Variants in PARVB observed in about 807,000 individuals in gnomAD.
PARVB encodes the protein beta-parvin.
Under a neutral mutation model 47.0 loss-of-function variants are expected in PARVB, and 46 were observed. The observed-to-expected ratio is 0.98, with a 90% CI of 0.77 to 1.25. The LOEUF (loss-of-function observed/expected upper bound fraction) is 1.25. Among genes scored for constraint, PARVB ranks in the 50% most tolerant of loss-of-function variants. The pLI, the probability that PARVB is intolerant of heterozygous loss-of-function variation, is 0.00. For synonymous variants in PARVB, 196 were observed against 196.3 expected (o/e 1.00, Z 0.01); for missense variants, 473 against 471.6 (o/e 1.00, Z -0.03).
chr22:44,091,257 T>TACCTGGAG (rs1443933999), intron 1 of PARVB, among the ~76,000 whole-genome samples: 2 of 149,260 alleles, frequency 1.3e-5, no homozygotes, highest in Non-Finnish European at 3.0e-5. Context: ...GAATGTGGGT[T>TACCTGGAG]ACCTGGAGAG....
chr22:44,072,849 G>GA, intron 1 of PARVB, among the ~76,000 whole-genome samples: 1 of 152,178 alleles, frequency 6.6e-6, no homozygotes, highest in Non-Finnish European at 1.5e-5. Flanking sequence ...ACCTACTAGG[G>GA]ATGTAGGGAT....
chr22:44,067,035 T>G (rs1374525753), intron 1 of PARVB, among the ~76,000 whole-genome samples: 1 of 152,078 alleles, frequency 6.6e-6, no homozygotes, highest in Non-Finnish European at 1.5e-5. Context: ...AGAGACAGGG[T>G]CTCACTATGT....
intron 1 of PARVB, among the ~76,000 whole-genome samples, chr22:44,041,904 AATAC>A (rs1014957968): frequency 1.4e-4 from 21 of 151,868 alleles, no homozygotes; most frequent in African/African-American, 4.8e-4. Flanking sequence ...TAAATAAATA[AATAC>A]ATACATACAT....
At chr22:44,167,879 C>T (rs2054204598) in intron 12 of PARVB, 1 of 152,432 alleles carries the variant, frequency 6.6e-6, no homozygotes, top group Admixed American at 6.5e-5. Flanking sequence ...TGTGCAGGCT[C>T]TGATGAGGGT....
Position 44,085,301 on chromosome 22 carries a change from T to C in PARVB, c.113-8627T>C, listed in dbSNP as rs551768748. Among the ~76,000 whole-genome samples, 84 of 152,106 alleles carry C rather than the reference T, an allele frequency of 5.5e-4. 2 individuals are homozygous for C. In the South Asian group the frequency reaches 0.014, roughly 25 times the overall value. On this transcript the variant is annotated intron_variant, in intron 1 of 12. Transcript: ENST00000338758. ...TTGTTCTGCAACATGGTTTTCTTTT[T>C]CTTTTTCTTTTTCTTTTTAATTTTT...
At chr22:44,010,039 C>CTCGTGA (rs1158837911) in intron 2 of PARVB, among the ~76,000 whole-genome samples, 1 of 152,134 alleles carries the variant, frequency 6.6e-6, no homozygotes, top group Non-Finnish European at 1.5e-5. Flanking sequence ...AACTTCTGAC[C>CTCGTGA]TCGTGATCCA....
intron 1 of PARVB, among the ~76,000 whole-genome samples, chr22:44,079,801 G>A (rs747676663): frequency 2.0e-5 from 3 of 152,166 alleles, no homozygotes; most frequent in African/African-American, 4.8e-5. Flanking sequence ...GGTGGTGGGC[G>A]CCTGTAATCC....
intron 4 of PARVB, among the ~76,000 whole-genome samples, chr22:44,127,710 A>G (rs1040981929): frequency 1.7e-5 from 2 of 119,900 alleles, no homozygotes; most frequent in Non-Finnish European, 3.6e-5. Context: ...AGAGGAGGAA[A>G]GAGAACAGAC....
rs2052494387 is a variant in PARVB, at chr22:44,103,328, C to T, written c.273+3205C>T. 6.6e-6 allele frequency: 1 copy of T among 152,222 alleles called. No homozygotes were observed. The highest frequency in any genetic ancestry group is 2.4e-5 in the African/African-American group (1 of 41,432). 9.4% of individuals were successfully genotyped at this position (152,222 alleles called of 1,614,324 possible). On this transcript the variant is annotated intron_variant, in intron 3 of 12. Transcript: ENST00000338758. The surrounding 1 kb of genome is among the most constrained non-coding windows in gnomAD (Gnocchi z 4.6). ...ACTTCCCTGATGTGGGCTTCTGAGACCATGGCTCATGGAGATGGGCTGCAT... is the reference window on the plus strand; with the variant it reads ...ACTTCCCTGATGTGGGCTTCTGAGATCATGGCTCATGGAGATGGGCTGCAT...
intron 1 of PARVB, chr22:44,086,910 C>G (rs2052036815): frequency 1.2e-6 from 1 of 849,434 alleles, no homozygotes; most frequent in Non-Finnish European, 1.4e-6. Context: ...TCTTTGGGTT[C>G]CTGCTTAAGC....
intron 1 of PARVB, among the ~76,000 whole-genome samples, chr22:44,088,397 A>G (rs1002334916): frequency 6.6e-6 from 1 of 152,164 alleles, no homozygotes; most frequent in African/African-American, 2.4e-5. Context: ...AACTGGCTTT[A>G]GTCCTGACTC....
intron 1 of PARVB, among the ~76,000 whole-genome samples, chr22:44,050,848 A>G (rs1346241032): frequency 6.6e-6 from 1 of 152,200 alleles, no homozygotes; most frequent in Non-Finnish European, 1.5e-5. Flanking sequence ...AACCTGGGAG[A>G]AAGTGCAGGT....
At chr22:44,018,452 C>A (rs1439290407) in intron 2 of PARVB, among the ~76,000 whole-genome samples, 1 of 152,112 alleles carries the variant, frequency 6.6e-6, no homozygotes, top group Admixed American at 6.6e-5. Flanking sequence ...CTGTGTCTTC[C>A]CTGCTGGTTA....
intron 3 of PARVB, 67 bp from the exon 4 acceptor site, chr22:44,118,971 T>C (rs2052977198): frequency 1.8e-6 from 2 of 1,089,426 alleles, no homozygotes; most frequent in Non-Finnish European, 2.8e-6. Flanking sequence ...TTCTGCACTT[T>C]CCCTGGTCAC....
chr22:44,161,198 C>A (rs1382835245), intron 11 of PARVB, among the ~76,000 whole-genome samples: 1 of 151,828 alleles, frequency 6.6e-6, no homozygotes, highest in Non-Finnish European at 1.5e-5. Context: ...CTAAAGGGAC[C>A]TGTGTTGCTA....
chr22:44,113,602 T>C (rs71279402), intron 3 of PARVB: 1 of 62,140 alleles, frequency 1.6e-5, no homozygotes, highest in Non-Finnish European at 3.1e-5. Context: ...CACAGATACA[T>C]TGTTACTAAC....
intron 10 of PARVB, among the ~76,000 whole-genome samples, chr22:44,156,300 A>G (rs114890062): frequency 0.013 from 954 of 73,254 alleles, 11 homozygotes; most frequent in African/African-American, 0.049. Context: ...TTTTTTTTTG[A>G]GACAGTTTCA....
upstream of PARVB, among the ~76,000 whole-genome samples, chr22:44,022,849 C>T (rs570832023): frequency 5.3e-5 from 8 of 152,078 alleles, no homozygotes; most frequent in Admixed American, 6.6e-5. Context: ...CGAGTTCAAG[C>T]GATCCTTGTG....
intron 6 of PARVB, among the ~76,000 whole-genome samples, chr22:44,133,923 A>G (rs114364281): frequency 1.3e-3 from 195 of 152,306 alleles, no homozygotes; most frequent in African/African-American, 4.3e-3. Context: ...AGCGCCTACT[A>G]TTCTCTAAGC....
Sources: allele counts gnomAD v4.1 joint callset (sites outside exome capture counted in the v4.1 genomes callset), GRCh38; gene constraint gnomAD v4.1.1; non-coding constraint Gnocchi (gnomAD v3.1); transcripts MANE v1.5; gene names NCBI Gene and HGNC (gene_info 2026-07-23, HGNC 2026-07-21).